Variants in NR1H4 observed in about 807,000 individuals in gnomAD.
The protein encoded by NR1H4 is bile acid receptor.
NR1H4 carries 23 observed loss-of-function variants against 58.5 expected under a neutral mutation model. That is an observed-to-expected ratio of 0.39 (90% confidence interval 0.28 to 0.56). The LOEUF is 0.56. Among genes scored for constraint, NR1H4 ranks in the 20% least tolerant of loss-of-function variants. The pLI, the probability that NR1H4 is intolerant of heterozygous loss-of-function variation, is 0.58. For synonymous variants in NR1H4, 214 were observed against 198.0 expected, an observed-to-expected ratio of 1.08 and a Z score of -0.68; for missense variants, 487 against 576.9, an observed-to-expected ratio of 0.84 and a Z score of 1.60.
intron 9 of NR1H4, among the ~76,000 whole-genome samples, chr12:100,541,894 G>A (rs542470083): frequency 6.6e-6 from 1 of 152,070 alleles, no homozygotes; most frequent in South Asian, 2.1e-4. Flanking sequence ...ACCACACCCA[G>A]CCGGTTTCAG....
chr12:100,541,363 CCT>C (rs1050191275), intron 9 of NR1H4, among the ~76,000 whole-genome samples: 14 of 150,714 alleles, frequency 9.3e-5, no homozygotes, highest in Admixed American at 2.0e-4. Flanking sequence ...CTCACTGCAG[CCT>C]CTGTTTCCCA....
intron 3 of NR1H4, among the ~76,000 whole-genome samples, chr12:100,496,922 C>T (rs528780516): frequency 6.6e-6 from 1 of 152,230 alleles, no homozygotes; most frequent in South Asian, 2.1e-4. Flanking sequence ...AAAGGCTTTG[C>T]TTAAGGTGAA....
chr12:100,544,253 CA>C (rs943465011), intron 9 of NR1H4, among the ~76,000 whole-genome samples: 4,038 of 64,426 alleles, frequency 0.063, 34 homozygotes, highest in Non-Finnish European at 0.078. Flanking sequence ...CTCGGTCTCA[CA>C]AAAAAAAAAA....
chr12:100,483,877 G>C (rs1157495829), intron 1 of NR1H4, among the ~76,000 whole-genome samples: 2 of 151,624 alleles, frequency 1.3e-5, no homozygotes, highest in East Asian at 3.9e-4. Context: ...CCAACTACTC[G>C]GGAGGCTGAG....
At chr12:100,506,559 G>A (rs1162641447) in intron 3 of NR1H4, among the ~76,000 whole-genome samples, 1 of 152,176 alleles carries the variant, frequency 6.6e-6, no homozygotes, top group South Asian at 2.1e-4. Flanking sequence ...AGGCTGGAGT[G>A]CAATGACATG....
chr12:100,515,424 A>C (rs1243992378), intron 4 of NR1H4, among the ~76,000 whole-genome samples: 1 of 151,982 alleles, frequency 6.6e-6, no homozygotes, highest in Admixed American at 6.6e-5. Flanking sequence ...CACCCACCTC[A>C]GCCTCCCAAA....
intron 3 of NR1H4, among the ~76,000 whole-genome samples, chr12:100,509,232 G>T (rs1278044179): frequency 6.6e-6 from 1 of 152,168 alleles, no homozygotes; most frequent in Non-Finnish European, 1.5e-5. Flanking sequence ...TGGAATTTTG[G>T]TCTAGAATTG....
intron 1 of NR1H4, among the ~76,000 whole-genome samples, chr12:100,485,521 C>CATTTT (rs529471899): frequency 6.6e-6 from 1 of 151,878 alleles, no homozygotes; most frequent in Non-Finnish European, 1.5e-5. Context: ...AGTTCTAGTT[C>CATTTT]ATTTTATTTT....
At chr12:100,511,213 A>G in intron 4 of NR1H4, 70 bp downstream of exon 4, 1 of 1,601,412 alleles carries the variant, frequency 6.2e-7, no homozygotes, top group South Asian at 1.1e-5. Flanking sequence ...CCCTTGAACT[A>G]ATTGCTTCCC....
intron 3 of NR1H4, among the ~76,000 whole-genome samples, chr12:100,508,199 C>T (rs1201520655): frequency 6.6e-6 from 1 of 151,936 alleles, no homozygotes; most frequent in Non-Finnish European, 1.5e-5. Flanking sequence ...TGAGATGAAG[C>T]CCTGGAAGGG....
At chr12:100,485,956 G>A (rs562263138) in intron 1 of NR1H4, among the ~76,000 whole-genome samples, 14 of 152,154 alleles carry the variant, frequency 9.2e-5, no homozygotes, top group South Asian at 6.2e-4. Flanking sequence ...TGGACATTAT[G>A]CTGTTTCCAA....
chr12:100,513,363 A>G (rs1954172549), intron 4 of NR1H4, among the ~76,000 whole-genome samples: 1 of 152,248 alleles, frequency 6.6e-6, no homozygotes, highest in African/African-American at 2.4e-5. Flanking sequence ...AATGATAAAA[A>G]GTAAATATTA....
chr12:100,545,245 A>G (rs1955033782), intron 9 of NR1H4, among the ~76,000 whole-genome samples: 2 of 142,814 alleles, frequency 1.4e-5, no homozygotes, highest in Admixed American at 1.4e-4. Flanking sequence ...AGCCTGGCTG[A>G]GGTGGGGAAA....
chr12:100,537,931 T>A (rs1029522345), intron 8 of NR1H4, among the ~76,000 whole-genome samples: 2 of 152,126 alleles, frequency 1.3e-5, no homozygotes, highest in Admixed American at 6.5e-5. Context: ...ACAGGCTGAA[T>A]TCAAACTCCT....
intron 3 of NR1H4, among the ~76,000 whole-genome samples, chr12:100,499,153 A>G (rs1024487561): frequency 9.2e-5 from 14 of 152,348 alleles, no homozygotes; most frequent in African/African-American, 3.4e-4. Flanking sequence ...TTACAGAGTC[A>G]GTCAGATGTT....
In NR1H4 at chr12:100,532,474, C is replaced by T. The variant is rs748820503; in HGVS notation, c.462C>T (p.Ser154=). 1 of 1,614,076 alleles carries T rather than the reference C, an allele frequency of 6.2e-7. No homozygotes were observed. Among genetic ancestry groups the T allele is most frequent in the South Asian group, 1.1e-5 (1 of 91,076 alleles). The stretch of plus-strand genomic sequence containing the variant: ...CTCCCACAGGTTTCTTCAGGAGAAG[C>T]ATTACCAAAAACGCTGTGTACAAGT... ...CEGCKGFFRR[S]ITKNAVYKCK... The change falls in exon 5 of 11, where the codon AGC becomes AGT. Residue 154 remains serine (S), a synonymous_variant. Transcript: ENST00000392986.
chr12:100,498,455 G>T (rs764643445), intron 3 of NR1H4, among the ~76,000 whole-genome samples: 9 of 152,014 alleles, frequency 5.9e-5, no homozygotes, highest in Non-Finnish European at 1.3e-4. Context: ...ACTGGCTAAC[G>T]TGGTGAAACC....
intron 4 of NR1H4, among the ~76,000 whole-genome samples, chr12:100,523,596 A>G (rs757299611): frequency 1.3e-5 from 2 of 151,798 alleles, no homozygotes; most frequent in East Asian, 1.9e-4. Flanking sequence ...TTTTTGTTGC[A>G]TTTGTTTTTG....
rs907917573 is a variant in NR1H4, at chr12:100,526,726, C to T, written c.446-5732C>T. Among the ~76,000 whole-genome samples, 3 of 152,274 alleles carry T rather than the reference C, an allele frequency of 2.0e-5. No homozygotes were observed. In the East Asian group the frequency reaches 5.8e-4, roughly 29 times the overall value. ...TCCTGTCCTTGTCTCAGAGCTACAT[C>T]ATTAGAGATCTGTCACTCCTCTAGA... On this transcript the variant is annotated intron_variant, in intron 4 of 10. Coordinates refer to ENST00000392986, the MANE Select transcript of NR1H4 (RefSeq NM_001206979.2).
Sources: allele counts gnomAD v4.1 joint callset (sites outside exome capture counted in the v4.1 genomes callset), GRCh38; gene constraint gnomAD v4.1.1; transcripts MANE v1.5; gene names NCBI Gene and HGNC (gene_info 2026-07-23, HGNC 2026-07-21).